Variants in RIBC2 observed in about 807,000 individuals in gnomAD.
RIBC2 encodes RIB43A domain with coiled-coils 2.
Under a neutral mutation model 44.3 loss-of-function variants are expected in RIBC2, and 40 were observed. The observed-to-expected ratio is 0.90, with a 90% CI of 0.70 to 1.18. RIBC2 has a LOEUF of 1.18. RIBC2 is among the 50% of genes most tolerant of loss of function. The probability of loss-of-function intolerance (pLI) is 0.00; values close to 1 mark genes in which losing one functional copy is unlikely to be tolerated. For synonymous variants in RIBC2, 171 were observed against 175.0 expected (o/e 0.98, Z 0.18); for missense variants, 459 against 485.5 (o/e 0.95, Z 0.51).
chr22:45,413,907 G>T lies in RIBC2; in HGVS notation c.21G>T (p.Ala7=). 1 of 1,551,448 alleles carries T rather than the reference G, an allele frequency of 6.4e-7. No homozygotes were observed. The highest frequency in any genetic ancestry group is 1.4e-5 in the African/African-American group (1 of 73,168). Residue 7 remains alanine, a synonymous_variant, in exon 1 of 7, where the codon GCG becomes GCT. Transcript: ENST00000614167. MGSQTM[A]VALPRDLRQD... ...TTTCCATGGGTTCCCAGACCATGGC[G>T]GTGGCGCTGCCCAGGGACTTGCGGC... is the stretch of plus-strand genomic sequence containing the variant.
At chr22:45,417,480 A>ATCTCGGTGGT in intron 2 of RIBC2, 122 bp from the exon 3 acceptor site, 3 of 720,936 alleles carry the variant, frequency 4.2e-6, no homozygotes, top group South Asian at 4.5e-5. Context: ...AGGCCAGGAG[A>ATCTCGGTGGT]CCAGCCCAGG....
Position 45,430,911 on chromosome 22 carries a change from A to G in RIBC2, c.915A>G (p.Glu305=), listed in dbSNP as rs1339826687. ...TCTTTTCCTTCCAGAGGCTCCAGGAAGAAAAGCGCCAGCGAGACCTGGACT... is the reference window on the plus strand; with the variant it reads ...TCTTTTCCTTCCAGAGGCTCCAGGAGGAAAAGCGCCAGCGAGACCTGGACT... ...QQIQEKLRLQ[E]EKRQRDLDWD... is the part of the protein sequence containing the mutation. Residue 305 remains glutamate (E), a synonymous_variant, in exon 6 of 7, where the codon GAA becomes GAG. Coordinates refer to ENST00000614167, the MANE Select transcript of RIBC2 (RefSeq NM_015653.5). The G allele has an allele frequency of 6.3e-7, 1 of 1,589,138 alleles. No homozygotes were observed. Among genetic ancestry groups the G allele is most frequent in the Non-Finnish European group, 8.6e-7 (1 of 1,166,848 alleles).
Position 45,432,420 on chromosome 22 carries a change from T to C in RIBC2, c.*58T>C, listed in dbSNP as rs1602124746. The C allele has an allele frequency of 8.5e-7, 1 of 1,172,688 alleles. No individual in the cohort carries two copies. The highest frequency in any genetic ancestry group is 1.3e-6 in the Non-Finnish European group (1 of 799,308). The allele number at this position is 1,172,688 out of a possible 1,614,324, so 72.6% of individuals were successfully genotyped here. A position where few individuals can be genotyped will look rare whatever the true frequency, so the allele number is the denominator to read the frequency against. On this transcript the variant is annotated 3_prime_UTR_variant, in exon 7 of 7. Coordinates refer to ENST00000614167, the MANE Select transcript of RIBC2 (RefSeq NM_015653.5). The stretch of plus-strand genomic sequence containing the variant: ...TATAAAGAGTGGCTACCTTAAAGAG[T>C]CACGTTTCTTTTTTAAAGATACACT...
intron 4 of RIBC2, among the ~76,000 whole-genome samples, chr22:45,425,292 G>C (rs1227962315): frequency 6.6e-6 from 1 of 152,150 alleles, no homozygotes; most frequent in African/African-American, 2.4e-5. Context: ...GAGCACATGT[G>C]GGAGGCCGGC....
In RIBC2 at chr22:45,413,977, C is replaced by T. The variant is rs919206420; in HGVS notation, c.91C>T (p.Gln31Ter). 91 of 1,551,514 alleles carry T rather than the reference C, an allele frequency of 5.9e-5. No individual in the cohort carries two copies. Among genetic ancestry groups the T allele is most frequent in the Non-Finnish European group, 7.1e-5 (82 of 1,146,980 alleles). The part of the protein sequence containing the change: ...AKRRHAELCR[Q>*]KRVFNARNRI... ...GAGGAGGCACGCGGAGCTGTGCAGG[C>T]AGAAGCGGGTCTTCAACGCCAGAAA... is the stretch of plus-strand genomic sequence containing the variant. Residue 31 changes from glutamine to a stop codon, truncating the protein, a stop_gained, in exon 1 of 7, where the codon CAG becomes TAG. Coordinates refer to ENST00000614167, the MANE Select transcript of RIBC2 (RefSeq NM_015653.5). LOFTEE classifies it high-confidence loss of function.
Position 45,414,381 on chromosome 22 carries a change from A to G in RIBC2, c.189A>G (p.Glu63=), listed in dbSNP as rs745429700. ...VHDQKIKEAT[E]KARHETFAAE... is the part of the protein sequence containing the mutation. ...ACCAGAAGATAAAAGAAGCTACTGA[A>G]AAAGCTAGACATGAAACCTTTGGTG... Residue 63 remains glutamate, a synonymous_variant, in exon 2 of 7, where the codon GAA becomes GAG. Coordinates refer to ENST00000614167, the MANE Select transcript of RIBC2 (RefSeq NM_015653.5). 11 of 1,551,122 alleles carry G rather than the reference A, an allele frequency of 7.1e-6. No individual in the cohort carries two copies. The East Asian group carries it at 2.4e-4, about 34-fold the overall frequency.
At chr22:45,426,909 A>C (rs1397239686) in intron 5 of RIBC2, among the ~76,000 whole-genome samples, 1 of 152,018 alleles carries the variant, frequency 6.6e-6, no homozygotes, top group Non-Finnish European at 1.5e-5. Context: ...GATTGGATGC[A>C]TGATTGGGTG....
chr22:45,428,345 T>A (rs562554731), intron 5 of RIBC2, among the ~76,000 whole-genome samples: 3 of 152,260 alleles, frequency 2.0e-5, no homozygotes, highest in African/African-American at 7.2e-5. Flanking sequence ...GAGTAGGAGC[T>A]GGTGGGGGCC....
chr22:45,427,139 A>G (rs1223560426), intron 5 of RIBC2, among the ~76,000 whole-genome samples: 1 of 152,246 alleles, frequency 6.6e-6, no homozygotes, highest in African/African-American at 2.4e-5. Context: ...TGAATGTGGC[A>G]GAAAACCACA....
chr22:45,414,175 A>T, intron 1 of RIBC2, 147 bp from the exon 2 acceptor site: 1 of 1,477,994 alleles, frequency 6.8e-7, no homozygotes, highest in Non-Finnish European at 9.0e-7. Flanking sequence ...GCTCGCCTGG[A>T]GTCACCAACG....
rs888531186 is a variant in RIBC2, at chr22:45,414,018, G to A, written c.129+3G>A. ...ACGCCAGAAACAGGATAATTGGGGT[G>A]AAAGGGCAGGGGCCGGGACGGGGTT... On this transcript the variant is annotated splice_donor_region_variant and intron_variant, in intron 1 of 6. Transcript: ENST00000614167. The A allele has an allele frequency of 1.3e-6, 2 of 1,551,426 alleles. No individual in the cohort carries two copies. The highest frequency in any genetic ancestry group is 3.9e-5 in the Admixed American group (2 of 50,966).
chr22:45,413,993 A>G lies in RIBC2; in HGVS notation c.107A>G (p.Asn36Ser). Residue 36 changes from asparagine (N) to serine (S), a missense_variant, in exon 1 of 7, where the codon AAC (asparagine) becomes AGC (serine). Transcript: ENST00000614167. The stretch of plus-strand genomic sequence containing the variant: ...CTGTGCAGGCAGAAGCGGGTCTTCA[A>G]CGCCAGAAACAGGATAATTGGGGTG... ...AELCRQKRVF[N>S]ARNRIIGGDT... The G allele has an allele frequency of 1.3e-6, 2 of 1,551,610 alleles. No homozygotes were observed. Among genetic ancestry groups the G allele is most frequent in the East Asian group, 2.4e-5 (1 of 40,918 alleles).
At chr22:45,417,483 A>G (rs1406699611) in intron 2 of RIBC2, 119 bp from the exon 3 acceptor site, 51 of 740,956 alleles carry the variant, frequency 6.9e-5, no homozygotes, top group South Asian at 1.3e-4. Flanking sequence ...CCAGGAGACC[A>G]GCCCAGGCAA....
At chr22:45,424,646 C>T (rs984281431) in intron 4 of RIBC2, among the ~76,000 whole-genome samples, 1 of 152,112 alleles carries the variant, frequency 6.6e-6, no homozygotes, top group African/African-American at 2.4e-5. Context: ...TGGGATGGAG[C>T]GACCGCCAGC....
chr22:45,414,022 G>C lies in RIBC2; in HGVS notation c.129+7G>C, dbSNP rs1569205649. On this transcript the variant is annotated splice_region_variant and intron_variant, in intron 1 of 6. Coordinates refer to ENST00000614167, the MANE Select transcript of RIBC2 (RefSeq NM_015653.5). ...CAGAAACAGGATAATTGGGGTGAAA[G>C]GGCAGGGGCCGGGACGGGGTTAGAG... 2 of 1,551,558 alleles carry C rather than the reference G, an allele frequency of 1.3e-6. No homozygotes were observed. The highest frequency in any genetic ancestry group is 8.7e-7 in the Non-Finnish European group (1 of 1,146,866).
chr22:45,418,979 T>C (rs138813950), intron 3 of RIBC2, among the ~76,000 whole-genome samples: 2 of 152,302 alleles, frequency 1.3e-5, no homozygotes, highest in African/African-American at 2.4e-5. Flanking sequence ...CTCCTGGAAA[T>C]GCGCATGCAA....
chr22:45,425,868 C>T (rs1369359983), intron 4 of RIBC2, 80 bp from the exon 5 acceptor site: 3 of 1,223,958 alleles, frequency 2.5e-6, no homozygotes, highest in African/African-American at 1.5e-5. Flanking sequence ...CGAGGGCCCC[C>T]AGTGAGATTT....
At chr22:45,424,856 C>G (rs1022196855) in intron 4 of RIBC2, among the ~76,000 whole-genome samples, 2 of 150,304 alleles carry the variant, frequency 1.3e-5, no homozygotes, top group East Asian at 3.9e-4. Context: ...CCCGGGTTCA[C>G]ACCATTCTCC....
intron 3 of RIBC2, 72 bp downstream of exon 3, chr22:45,418,018 T>A: frequency 8.5e-7 from 1 of 1,175,694 alleles, no homozygotes; most frequent in Non-Finnish European, 1.2e-6. Context: ...TTTTTTTTTT[T>A]TTTAAGCAAC....
Sources: gnomAD v4.1 joint callset for allele counts (sites outside exome capture counted in the v4.1 genomes callset) on GRCh38, gnomAD v4.1.1 for gene constraint, MANE v1.5 for transcripts, NCBI Gene and HGNC (gene_info 2026-07-23, HGNC 2026-07-21) for gene names.